The following KIF13A variants were observed in gnomAD, a reference collection of about 807,000 sequenced individuals.
KIF13A encodes kinesin family member 13A, also known as kinesin-like protein KIF13A.
A neutral mutation model predicts 212.2 loss-of-function variants in KIF13A; 79 were observed. The ratio of observed to expected loss-of-function variants is 0.37; its 90% CI spans 0.31 to 0.45. The LOEUF is 0.45. Among genes scored for constraint, KIF13A ranks in the 20% least tolerant of loss-of-function variants. The pLI is 1.00. For synonymous variants in KIF13A, 789 were observed against 808.6 expected (o/e 0.98, Z 0.41); for missense variants, 1,901 against 2,209.0 (o/e 0.86, Z 2.79).
chr6:17,761,246 A>G (rs1758568262), downstream of KIF13A, among the ~76,000 whole-genome samples: 1 of 151,980 alleles, frequency 6.6e-6, no homozygotes, highest in African/African-American at 2.4e-5. Context: ...TAAATAAAAA[A>G]ACATTTAAAT....
At chr6:17,950,420 G>T in intron 2 of KIF13A, 5 of 974,870 alleles carry the variant, frequency 5.1e-6, no homozygotes, top group Non-Finnish European at 6.1e-6. Context: ...TTCAGAAAAT[G>T]ATTTATTAAT....
chr6:17,982,370 T>C lies in KIF13A; in HGVS notation c.146+4684A>G. ...GCCTTGGCCTCCCAAAGTGCTGGGA[T>C]TACAGATGTGAGCCACTGTGTCTGG... On this transcript the variant is annotated intron_variant, in intron 2 of 38. Coordinates refer to ENST00000259711, the MANE Select transcript of KIF13A (RefSeq NM_022113.6). The surrounding 1 kb of genome is among the most constrained non-coding windows in gnomAD (Gnocchi z 5.1). The C allele has an allele frequency of 2.1e-6, 2 of 934,918 alleles. No individual in the cohort carries two copies. The highest frequency in any genetic ancestry group is 2.5e-6 in the Non-Finnish European group (2 of 784,326). The allele number at this position is 934,918 out of a possible 1,614,324, so 57.9% of individuals were successfully genotyped here.
At chr6:17,840,878 A>G (rs1160837287) in intron 9 of KIF13A, among the ~76,000 whole-genome samples, 1 of 152,140 alleles carries the variant, frequency 6.6e-6, no homozygotes, top group Non-Finnish European at 1.5e-5. Context: ...CATGGCATCA[A>G]TTTTCCTTTT....
intron 4 of KIF13A, among the ~76,000 whole-genome samples, chr6:17,859,697 G>A (rs1403082080): frequency 1.4e-5 from 2 of 145,506 alleles, no homozygotes; most frequent in Non-Finnish European, 3.0e-5. Flanking sequence ...GTGCAATGGT[G>A]CGATCTCGGC....
intron 2 of KIF13A, among the ~76,000 whole-genome samples, chr6:17,954,981 T>C (rs1778227677): frequency 6.6e-6 from 1 of 152,132 alleles, no homozygotes; most frequent in Non-Finnish European, 1.5e-5. Context: ...ACCAGGCTCA[T>C]TTAAAAAAAC....
chr6:17,785,090 C>T lies in KIF13A; in HGVS notation c.3488+425G>A, dbSNP rs1050826528. On this transcript the variant is annotated intron_variant, in intron 28 of 38. Coordinates refer to ENST00000259711, the MANE Select transcript of KIF13A (RefSeq NM_022113.6). This position sits in a 1 kb window ranked among gnomAD's most constrained non-coding sequence, Gnocchi z 5.8. ...TATGAAAGGTGTTTTATACACATTA[C>T]AATATACAAGATAGTATTATCATAT... Among the ~76,000 whole-genome samples, 1 of 152,090 alleles carries T rather than the reference C, an allele frequency of 6.6e-6. No individual in the cohort carries two copies. Among genetic ancestry groups the T allele is most frequent in the Non-Finnish European group, 1.5e-5 (1 of 68,026 alleles).
chr6:17,821,577 G>C (rs1764445738), intron 16 of KIF13A, among the ~76,000 whole-genome samples: 1 of 151,260 alleles, frequency 6.6e-6, no homozygotes, highest in South Asian at 2.1e-4. Flanking sequence ...GTGTGTGTGT[G>C]TGTGTGTGTG....
At chr6:17,976,536 G>A (rs1462837113) in intron 2 of KIF13A, among the ~76,000 whole-genome samples, 2 of 152,086 alleles carry the variant, frequency 1.3e-5, no homozygotes, top group Admixed American at 1.3e-4. Context: ...CCGCAAGCGC[G>A]GCGCGCAGCC....
At chr6:17,972,542 C>T (rs1779896040) in intron 2 of KIF13A, among the ~76,000 whole-genome samples, 1 of 152,168 alleles carries the variant, frequency 6.6e-6, no homozygotes. Context: ...TGTTTAAAGG[C>T]TTGTTAATCT....
At chr6:17,775,304 T>C (rs1013940152) in intron 34 of KIF13A, among the ~76,000 whole-genome samples, 2 of 152,230 alleles carry the variant, frequency 1.3e-5, no homozygotes, top group Non-Finnish European at 2.9e-5. Context: ...GCATATTTTA[T>C]GCTTCACATA....
chr6:17,780,535 C>T (rs1418992120), intron 31 of KIF13A, among the ~76,000 whole-genome samples, 195 bp downstream of exon 31: 3 of 152,220 alleles, frequency 2.0e-5, no homozygotes, highest in African/African-American at 7.2e-5. Flanking sequence ...CAAGGTGAAA[C>T]TGCCCTTACT....
chr6:17,760,950 A>C, downstream of KIF13A: 8 of 1,488,752 alleles, frequency 5.4e-6, no homozygotes, highest in Middle Eastern at 1.7e-4. Flanking sequence ...ACCTACTCTC[A>C]GCCCAGTCCA....
rs111960208 is a variant in KIF13A, at chr6:17,854,403, G to A, written c.494+1034C>T. Among the ~76,000 whole-genome samples the A allele has an allele frequency of 3.9e-5, 6 of 152,104 alleles. 1 individual carries two copies. Among genetic ancestry groups the A allele is most frequent in the African/African-American group, 1.4e-4 (6 of 41,498 alleles). On this transcript the variant is annotated intron_variant, in intron 6 of 38. Coordinates refer to ENST00000259711, the MANE Select transcript of KIF13A (RefSeq NM_022113.6). ...TCCACCCACCTTGGCCTCCCAAAAT[G>A]TTGGAATTACAGGCATGAGCCACTA...
At position 17,908,813 on chromosome 6, in the gene KIF13A, A is replaced by G. The variant is rs573413539; in HGVS notation, c.147-10633T>C. 2.6e-5 allele frequency among the ~76,000 whole-genome samples: 4 copies of G among 152,310 alleles called. No individual in the cohort carries two copies. The South Asian group carries it at 8.3e-4, about 32-fold the overall frequency. On this transcript the variant is annotated intron_variant, in intron 2 of 38. Coordinates refer to ENST00000259711, the MANE Select transcript of KIF13A (RefSeq NM_022113.6). ...GTTTGATTTTTTGGACTACTTTGGT[A>G]TATTTGAACTACTTCCTTCTGGCAT...
At chr6:17,908,505 G>T (rs540873668) in intron 2 of KIF13A, among the ~76,000 whole-genome samples, 1 of 152,258 alleles carries the variant, frequency 6.6e-6, no homozygotes, top group South Asian at 2.1e-4. Context: ...TCAGGAGGCT[G>T]AGGTGGGAGG....
At chr6:17,841,975 ATGTATGTATG>A (rs1766557727) in intron 9 of KIF13A, among the ~76,000 whole-genome samples, 1 of 150,124 alleles carries the variant, frequency 6.7e-6, no homozygotes, top group South Asian at 2.1e-4. Context: ...ATGTAAGTAC[ATGTATGTATG>A]TGTATATACA....
At position 17,814,114 on chromosome 6, in the gene KIF13A, G is replaced by A. The variant is rs1202591057; in HGVS notation, c.2000+2906C>T. Among the ~76,000 whole-genome samples, 11 of 151,606 alleles carry A rather than the reference G, an allele frequency of 7.3e-5. No homozygotes were observed. The South Asian group carries it at 1.0e-3, about 14-fold the overall frequency. The stretch of plus-strand genomic sequence containing the variant: ...ACTACAGGCGCCCGCCACCACGCCC[G>A]GCTAATTTTTGTATTTTTAGTAGAG... On this transcript the variant is annotated intron_variant, in intron 17 of 38. Coordinates refer to ENST00000259711, the MANE Select transcript of KIF13A (RefSeq NM_022113.6).
In KIF13A at chr6:17,919,377, G is replaced by A. The variant is rs995536014; in HGVS notation, c.147-21197C>T. On this transcript the variant is annotated intron_variant, in intron 2 of 38. Coordinates refer to ENST00000259711, the MANE Select transcript of KIF13A (RefSeq NM_022113.6). The surrounding 1 kb of genome is among the most constrained non-coding windows in gnomAD (Gnocchi z 4.1). ...TAAGACCATTGAGAGAATTTCAAAA[G>A]TTATATTAATGTCTGATCCAACATG... is the stretch of plus-strand genomic sequence containing the variant. Among the ~76,000 whole-genome samples the A allele has an allele frequency of 2.0e-5, 3 of 152,276 alleles. No individual in the cohort carries two copies. Among genetic ancestry groups the A allele is most frequent in the Admixed American group, 6.5e-5 (1 of 15,302 alleles).
At chr6:17,793,087 TTTTA>T (rs1445457128) in intron 25 of KIF13A, among the ~76,000 whole-genome samples, 1 of 152,092 alleles carries the variant, frequency 6.6e-6, no homozygotes, top group Non-Finnish European at 1.5e-5. Context: ...AAGATCCTAA[TTTTA>T]TTTTTTTTGA....
Sources: allele counts gnomAD v4.1 joint callset (sites outside exome capture counted in the v4.1 genomes callset), GRCh38; gene constraint gnomAD v4.1.1; non-coding constraint Gnocchi (gnomAD v3.1); transcripts MANE v1.5; gene names NCBI Gene and HGNC (gene_info 2026-07-23, HGNC 2026-07-21).